CALCOCO2: variants seen among roughly 807,000 people sequenced by gnomAD.
The protein encoded by CALCOCO2 is calcium-binding and coiled-coil domain-containing protein 2.
Under a neutral mutation model 62.5 loss-of-function variants are expected in CALCOCO2, and 42 were observed. The observed-to-expected ratio is 0.67, with a 90% CI of 0.53 to 0.87. CALCOCO2 has a LOEUF of 0.87. CALCOCO2 is among the 40% of genes least tolerant of loss of function. The pLI is 0.00. For synonymous variants in CALCOCO2, 167 were observed against 173.0 expected (o/e 0.97, Z 0.27); for missense variants, 456 against 515.0 (o/e 0.89, Z 1.11).
At chr17:48,856,307 A>C (rs2040214594) in intron 10 of CALCOCO2, 120 bp downstream of exon 10, 1 of 591,268 alleles carries the variant, frequency 1.7e-6, no homozygotes, top group Non-Finnish European at 3.0e-6. Context: ...TGGGTGAAAC[A>C]GTTGTTCCTA....
intron 4 of CALCOCO2, 108 bp downstream of exon 4, chr17:48,848,563 T>C (rs536650602): frequency 4.0e-6 from 4 of 1,004,476 alleles, no homozygotes; most frequent in African/African-American, 1.6e-5. Context: ...ACGGGTATCA[T>C]TGGAAAAAAT....
Position 48,858,046 on chromosome 17 carries a change from A to ATAGAG in CALCOCO2, c.1008+1859_1008+1860insTAGAG. 2.0e-4 allele frequency among the ~76,000 whole-genome samples: 8 copies of ATAGAG among 40,038 alleles called. 2 individuals are homozygous for ATAGAG. The highest frequency in any genetic ancestry group is 3.7e-4 in the African/African-American group (4 of 10,772). 26.3% of individuals were successfully genotyped at this position (40,038 alleles called of 152,430 possible). A position where few individuals can be genotyped will look rare whatever the true frequency, so the allele number is the denominator to read the frequency against. ...ATAGAATAGAATAGAATAGAATAGA[A>ATAGAG]AATAGAATAGAATAGAATAGAATAG... On this transcript the variant is annotated intron_variant, in intron 10 of 12. Transcript: ENST00000258947.
rs553901240 is a variant in CALCOCO2, at chr17:48,848,873, C to G, written c.418-379C>G. On this transcript the variant is annotated intron_variant, in intron 4 of 12. Transcript: ENST00000258947. ...CTTACTTCATCATTTAACAGGACAC[C>G]TACTTTTCATCCAGCACTATGGTAG... 4.8e-4 allele frequency: 228 copies of G among 477,964 alleles called. 4 individuals carry two copies. Among genetic ancestry groups the G allele is most frequent in the South Asian group, 3.5e-3 (226 of 64,622 alleles). The allele number at this position is 477,964 out of a possible 1,614,324, so 29.6% of individuals were successfully genotyped here.
chr17:48,856,271 A>G (rs2040214119), intron 10 of CALCOCO2, 84 bp downstream of exon 10: 3 of 707,446 alleles, frequency 4.2e-6, no homozygotes, highest in Non-Finnish European at 7.3e-6. Flanking sequence ...AAAAAAATAA[A>G]AAGTTAAGGG....
chr17:48,856,856 TG>T (rs904263393), intron 10 of CALCOCO2, among the ~76,000 whole-genome samples: 1 of 151,908 alleles, frequency 6.6e-6, no homozygotes, highest in African/African-American at 2.4e-5. Flanking sequence ...TGGAGTGCAG[TG>T]GCACAAGCTT....
intron 5 of CALCOCO2, among the ~76,000 whole-genome samples, chr17:48,850,115 A>G (rs2143627605): frequency 6.6e-6 from 1 of 152,260 alleles, no homozygotes; most frequent in East Asian, 1.9e-4. Context: ...CCTGGCCAAG[A>G]TGGTGAAACC....
In CALCOCO2 at chr17:48,849,269, TGAGCAGCACAACAAG is replaced by T. The variant is rs780397402; in HGVS notation, c.440_454del (p.Gln147_Glu151del). On this transcript the variant is annotated inframe_deletion, in exon 5 of 13. Transcript: ENST00000258947. ...TTTTGTAGGGAGAGGTGGAAGAGAT[TGAGCAGCACAACAAG>T]GAGCTTTGCAAAGAAAACCAGGAGC... is the stretch of plus-strand genomic sequence containing the variant. The T allele has an allele frequency of 2.5e-6, 4 of 1,613,788 alleles. No homozygotes were observed. In the Admixed American group the frequency reaches 5.0e-5, roughly 20 times the overall value.
At chr17:48,842,941 G>A (rs1019344165) in intron 2 of CALCOCO2, among the ~76,000 whole-genome samples, 2 of 152,172 alleles carry the variant, frequency 1.3e-5, no homozygotes, top group African/African-American at 4.8e-5. Context: ...AAATATTTAT[G>A]TATGACTTGA....
chr17:48,853,062 G>A (rs2040157573), intron 9 of CALCOCO2, 50 bp downstream of exon 9: 4 of 1,250,250 alleles, frequency 3.2e-6, no homozygotes, highest in Non-Finnish European at 4.7e-6. Flanking sequence ...TAGGGATGTA[G>A]AAGAAAAGGA....
Position 48,851,110 on chromosome 17 carries a change from A to C in CALCOCO2, c.565A>C (p.Ser189Arg), listed in dbSNP as rs936590128. Residue 189 changes from serine (S) to arginine (R), a missense_variant, in exon 6 of 13, where the codon AGC becomes CGC. Ser to Arg is a moderately radical substitution (Grantham distance 110, BLOSUM62 -1). Around this residue, in one of 3 missense-constraint regions of CALCOCO2, gnomAD observed 236 missense variants for 225.3 expected, o/e 1.05. Coordinates refer to ENST00000258947, the MANE Select transcript of CALCOCO2 (RefSeq NM_005831.5). Reference sequence around the variant, plus strand: ...ATAGGAGGAGCTAGAAACCCTACAGAGCATCAATAAGAAGTTGGAACTGAA... The same window carrying C: ...ATAGGAGGAGCTAGAAACCCTACAGCGCATCAATAAGAAGTTGGAACTGAA... ...KKQEELETLQ[S>R]INKKLELKVK... 1.2e-6 allele frequency: 2 copies of C among 1,607,122 alleles called. No individual in the cohort carries two copies. The highest frequency in any genetic ancestry group is 1.7e-5 in the Admixed American group (1 of 60,000).
intron 1 of CALCOCO2, among the ~76,000 whole-genome samples, chr17:48,837,876 G>A (rs979972703): frequency 6.6e-6 from 1 of 152,160 alleles, no homozygotes; most frequent in East Asian, 1.9e-4. Flanking sequence ...TAAATAGATA[G>A]GATGGGGCTA....
chr17:48,862,227 C>G lies in CALCOCO2; in HGVS notation c.1145-49C>G. ...ATCTGCCAGAACACAGTTGGAGAAG[C>G]TAGGGATGGTATTTTCTCATTGAAT... On this transcript the variant is annotated intron_variant, in intron 11 of 12. Transcript: ENST00000258947. The G allele has an allele frequency of 3.2e-6, 4 of 1,240,694 alleles. No individual in the cohort carries two copies. The South Asian group carries it at 4.8e-5, about 15-fold the overall frequency. 76.9% of individuals were successfully genotyped at this position (1,240,694 alleles called of 1,614,324 possible).
chr17:48,835,740 CTTTT>C (rs1333911957), intron 1 of CALCOCO2, among the ~76,000 whole-genome samples: 1 of 146,820 alleles, frequency 6.8e-6, no homozygotes, highest in East Asian at 1.9e-4. Flanking sequence ...CTTTTCTTTT[CTTTT>C]CTTTTCTTTT....
intron 2 of CALCOCO2, chr17:48,842,665 A>G (rs1304524638): frequency 1.4e-5 from 2 of 145,344 alleles, no homozygotes; most frequent in African/African-American, 5.3e-5. Flanking sequence ...TTTTTCTTTG[A>G]GACGGAGTCT....
intron 1 of CALCOCO2, 42 bp from the exon 2 acceptor site, chr17:48,841,656 C>G (rs1282465589): frequency 2.2e-6 from 3 of 1,361,296 alleles, no homozygotes; most frequent in African/African-American, 2.9e-5. Context: ...ACATTTCAGA[C>G]AATGCTTTCT....
chr17:48,864,182 G>C lies in CALCOCO2; in HGVS notation c.*1177G>C, dbSNP rs2040364575. The C allele has an allele frequency of 6.7e-6, 1 of 150,228 alleles. No homozygotes were observed. Among genetic ancestry groups the C allele is most frequent in the Admixed American group, 6.7e-5 (1 of 14,854 alleles). 9.3% of individuals were successfully genotyped at this position (150,228 alleles called of 1,614,324 possible). On this transcript the variant is annotated 3_prime_UTR_variant, in exon 13 of 13. Coordinates refer to ENST00000258947, the MANE Select transcript of CALCOCO2 (RefSeq NM_005831.5). ...AGGTTCAAGCGATTCTCATGCCTTAGCCTCCCAAGTAGCTGGGATTACAGG... is the reference window on the plus strand; with the variant it reads ...AGGTTCAAGCGATTCTCATGCCTTACCCTCCCAAGTAGCTGGGATTACAGG...
chr17:48,857,979 G>T (rs1054051101), intron 10 of CALCOCO2, among the ~76,000 whole-genome samples: 1 of 18,784 alleles, frequency 5.3e-5, no homozygotes, highest in East Asian at 8.9e-4. Context: ...TACATCAATA[G>T]AATAGAATAG....
At position 48,847,237 on chromosome 17, in the gene CALCOCO2, G is replaced by GT. The variant is rs549736608; in HGVS notation, c.181-818dup. ...ACACAGACATTATGAAAAATAATGG[G>GT]TTTTTTTTTAATGCAGTAGTATATC... On this transcript the variant is annotated intron_variant, in intron 2 of 12. Transcript: ENST00000258947. 3.6e-3 allele frequency among the ~76,000 whole-genome samples: 548 copies of GT among 151,078 alleles called. 1 individual carries two copies. The highest frequency in any genetic ancestry group is 5.8e-3 in the Admixed American group (87 of 15,114).
Position 48,863,828 on chromosome 17 carries a change from C to G in CALCOCO2, c.*823C>G, listed in dbSNP as rs545289073. On this transcript the variant is annotated 3_prime_UTR_variant, in exon 13 of 13. Coordinates refer to ENST00000258947, the MANE Select transcript of CALCOCO2 (RefSeq NM_005831.5). ...TCTTTAATACTAAAAATAAATTACT[C>G]TTCTATTTCAGGGACTTAGGTAATT... The G allele has an allele frequency of 1.1e-4, 16 of 152,224 alleles. No individual in the cohort carries two copies. The highest frequency in any genetic ancestry group is 3.6e-4 in the African/African-American group (15 of 41,524). The allele number at this position is 152,224 out of a possible 1,614,324, so 9.4% of individuals were successfully genotyped here. A position where few individuals can be genotyped will look rare whatever the true frequency, so the allele number is the denominator to read the frequency against.
Sources: gnomAD v4.1 joint callset for allele counts (sites outside exome capture counted in the v4.1 genomes callset) on GRCh38, gnomAD v4.1.1 for gene constraint, gnomAD v4.1.1 regional missense constraint, MANE v1.5 for transcripts, NCBI Gene and HGNC (gene_info 2026-07-23, HGNC 2026-07-21) for gene names.